Variants in TNFSF4 observed in about 807,000 individuals in gnomAD.
TNFSF4 encodes TNF superfamily member 4.
A neutral mutation model predicts 7.3 loss-of-function variants in TNFSF4; 4 were observed. The observed-to-expected ratio is 0.55, with a 90% CI of 0.27 to 1.25. The LOEUF is 1.25. TNFSF4 is among the 50% of genes most tolerant of loss of function. TNFSF4 has a pLI of 0.12. For synonymous variants in TNFSF4, 76 were observed against 83.7 expected (o/e 0.91, Z 0.50); for missense variants, 181 against 208.8 (o/e 0.87, Z 0.82).
intron 1 of TNFSF4, among the ~76,000 whole-genome samples, chr1:173,199,013 T>C (rs1414593440): frequency 6.6e-6 from 1 of 152,216 alleles, no homozygotes; most frequent in Admixed American, 6.5e-5. Flanking sequence ...GCCCACTTTA[T>C]AATCCCAATC....
chr1:173,422,064 CAAT>C, the TNFSF4 span, among the ~76,000 whole-genome samples: 10 of 152,014 alleles, frequency 6.6e-5, no homozygotes, highest in African/African-American at 2.4e-4. Context: ...CTCTCCCCCA[CAAT>C]GTCAAGGTTA....
At chr1:173,298,238 C>T in the TNFSF4 span, among the ~76,000 whole-genome samples, 1 of 151,868 alleles carries the variant, frequency 6.6e-6, no homozygotes, top group Non-Finnish European at 1.5e-5. Context: ...ATATTATAGC[C>T]AAGAACCCCC....
intron 1 of TNFSF4, among the ~76,000 whole-genome samples, chr1:173,200,383 A>G (rs1019909503): frequency 1.3e-5 from 2 of 152,190 alleles, no homozygotes; most frequent in African/African-American, 2.4e-5. Flanking sequence ...AAGATGAGAG[A>G]CTGTTACTGC....
the TNFSF4 span, among the ~76,000 whole-genome samples, chr1:173,215,288 G>A: frequency 1.2e-4 from 18 of 152,016 alleles, no homozygotes; most frequent in Non-Finnish European, 2.2e-4. Context: ...AATTATTGTT[G>A]TTTAAGCACC....
the TNFSF4 span, among the ~76,000 whole-genome samples, chr1:173,257,201 A>T: frequency 6.6e-6 from 1 of 152,224 alleles, no homozygotes; most frequent in Non-Finnish European, 1.5e-5. Context: ...CTATGCACTG[A>T]TGACTCCATA....
the TNFSF4 span, among the ~76,000 whole-genome samples, chr1:173,338,501 T>C: frequency 6.6e-6 from 1 of 152,028 alleles, no homozygotes; most frequent in Non-Finnish European, 1.5e-5. Flanking sequence ...TAGAATGACT[T>C]TTTGAAGACT....
chr1:173,229,113 T>C, the TNFSF4 span, among the ~76,000 whole-genome samples: 17 of 152,156 alleles, frequency 1.1e-4, no homozygotes, highest in Admixed American at 9.8e-4. Context: ...AGAGCAACCC[T>C]AAGACACATA....
chr1:173,209,608 G>A (rs1262759714), upstream of TNFSF4, among the ~76,000 whole-genome samples: 9 of 152,106 alleles, frequency 5.9e-5, no homozygotes, highest in South Asian at 2.1e-4. Flanking sequence ...GGGCTTGAGC[G>A]ATCCTCCTGC....
chr1:173,201,502 A>T (rs934916118), intron 1 of TNFSF4, among the ~76,000 whole-genome samples: 1 of 152,194 alleles, frequency 6.6e-6, no homozygotes, highest in Non-Finnish European at 1.5e-5. Flanking sequence ...ATGGATAATG[A>T]TAATAATAAT....
chr1:173,393,513 C>T, the TNFSF4 span, among the ~76,000 whole-genome samples: 1 of 152,182 alleles, frequency 6.6e-6, no homozygotes, highest in South Asian at 2.1e-4. Flanking sequence ...AAGGTCCAAA[C>T]CCCTTAACTG....
At chr1:173,284,371 C>G in the TNFSF4 span, among the ~76,000 whole-genome samples, 1 of 152,196 alleles carries the variant, frequency 6.6e-6, no homozygotes, top group African/African-American at 2.4e-5. Context: ...AGGAAGCCAT[C>G]TTCATCACAT....
chr1:173,324,172 A>C, the TNFSF4 span, among the ~76,000 whole-genome samples: 4 of 152,242 alleles, frequency 2.6e-5, no homozygotes, highest in Admixed American at 1.3e-4. Flanking sequence ...TCTCGGCAGA[A>C]ACCCTACAAG....
chr1:173,255,308 T>C, the TNFSF4 span, among the ~76,000 whole-genome samples: 2 of 152,214 alleles, frequency 1.3e-5, no homozygotes, highest in Non-Finnish European at 1.5e-5. Context: ...GCAGGACGAT[T>C]GGTGAAGGAA....
At chr1:173,173,011 G>GA in the TNFSF4 span, among the ~76,000 whole-genome samples, 1 of 152,110 alleles carries the variant, frequency 6.6e-6, no homozygotes, top group African/African-American at 2.4e-5. Context: ...AGTGAAGGAG[G>GA]AAAAATCCCC....
the TNFSF4 span, among the ~76,000 whole-genome samples, chr1:173,227,599 G>A: frequency 6.6e-6 from 1 of 152,174 alleles, no homozygotes; most frequent in African/African-American, 2.4e-5. Context: ...GCAGAGCAGT[G>A]GGTGCAGCCC....
the TNFSF4 span, among the ~76,000 whole-genome samples, chr1:173,410,191 G>A: frequency 6.6e-6 from 1 of 152,046 alleles, no homozygotes; most frequent in Non-Finnish European, 1.5e-5. Flanking sequence ...ACTCCAGCCT[G>A]GGTGACAGAG....
At chr1:173,445,699 C>G in the TNFSF4 span, among the ~76,000 whole-genome samples, 1 of 152,068 alleles carries the variant, frequency 6.6e-6, no homozygotes, top group Non-Finnish European at 1.5e-5. Flanking sequence ...GCCAAAACTC[C>G]AAAAGAACCC....
Position 173,186,400 on chromosome 1 carries a change from C to T in TNFSF4, c.*116G>A. ...GAGGGCCAGGATCTGCTTCTTGTCA[C>T]ATCCCACGTGGCTGAGCTGGGAGGC... is the stretch of plus-strand genomic sequence containing the variant. On this transcript the variant is annotated 3_prime_UTR_variant, in exon 3 of 3. Transcript: ENST00000281834. The T allele has an allele frequency of 1.2e-6, 1 of 806,960 alleles. No homozygotes were observed. The highest frequency in any genetic ancestry group is 1.9e-6 in the Non-Finnish European group (1 of 516,388). 50.0% of individuals were successfully genotyped at this position (806,960 alleles called of 1,614,324 possible).
At chr1:173,249,187 T>C in the TNFSF4 span, among the ~76,000 whole-genome samples, 1 of 152,224 alleles carries the variant, frequency 6.6e-6, no homozygotes, top group Non-Finnish European at 1.5e-5. Flanking sequence ...AGGACCATTC[T>C]TCAAGGTGGA....
Sources: allele counts gnomAD v4.1 joint callset (sites outside exome capture counted in the v4.1 genomes callset), GRCh38; gene constraint gnomAD v4.1.1; transcripts MANE v1.5; gene names NCBI Gene and HGNC (gene_info 2026-07-23, HGNC 2026-07-21).